Variants in MPZL1 observed in about 807,000 individuals in gnomAD.
MPZL1 encodes myelin protein zero-like protein 1.
In MPZL1, 16 loss-of-function variants were observed where a neutral mutation model predicts 29.3. The observed-to-expected ratio is 0.55, with a 90% CI of 0.37 to 0.83. MPZL1 has a LOEUF of 0.83. MPZL1 is among the 40% of genes least tolerant of loss of function. The probability of loss-of-function intolerance (pLI) is 0.00; values close to 1 mark genes in which losing one functional copy is unlikely to be tolerated. For missense variants in MPZL1, 279 were observed against 332.9 expected, an observed-to-expected ratio of 0.84 and a Z score of 1.26; for synonymous variants, 143 against 132.0, an observed-to-expected ratio of 1.08 and a Z score of -0.57.
intron 1 of MPZL1, among the ~76,000 whole-genome samples, chr1:167,751,890 GA>G: frequency 6.6e-6 from 1 of 152,224 alleles, no homozygotes; most frequent in African/African-American, 2.4e-5. Context: ...ATCCTTTGGG[GA>G]AAAAATTATT....
In MPZL1 at chr1:167,760,783, G is replaced by GTGTGTGTGTC. The variant is rs1553255562; in HGVS notation, c.92-4791_92-4790insCTGTGTGTGT. ...TGTGTGTGTGTGTGTGTGTGTGTGT[G>GTGTGTGTGTC]TGTGTGTGTGTACAGGTGTCATCAG... On this transcript the variant is annotated intron_variant, in intron 1 of 5. Transcript: ENST00000359523. Among the ~76,000 whole-genome samples, 242 of 147,314 alleles carry GTGTGTGTGTC rather than the reference G, an allele frequency of 1.6e-3. 4 individuals carry two copies. The highest frequency in any genetic ancestry group is 5.6e-3 in the African/African-American group (223 of 39,786).
chr1:167,726,025 A>G (rs185525978), intron 1 of MPZL1, among the ~76,000 whole-genome samples: 1 of 152,330 alleles, frequency 6.6e-6, no homozygotes, highest in East Asian at 1.9e-4. Context: ...ATGGCTTCCC[A>G]TTGCACTTGG....
At chr1:167,727,943 A>G (rs1437926009) in intron 1 of MPZL1, among the ~76,000 whole-genome samples, 3 of 109,956 alleles carry the variant, frequency 2.7e-5, no homozygotes, top group Non-Finnish European at 6.3e-5. Flanking sequence ...ACCTCGGCTC[A>G]CAGCAACCTC....
At position 167,787,857 on chromosome 1, in the gene MPZL1, G is replaced by A. The variant is rs1414789609; in HGVS notation, c.746G>A (p.Gly249Glu). 1 of 1,613,964 alleles carries A rather than the reference G, an allele frequency of 6.2e-7. No homozygotes were observed. Among genetic ancestry groups the A allele is most frequent in the South Asian group, 1.1e-5 (1 of 91,078 alleles). The change falls in exon 6 of 6, where the codon GGA (glycine) becomes GAA (glutamate). Residue 249 changes from glycine to glutamate, a missense_variant. Transcript: ENST00000359523. ...TATGCACAGTTAGACCACTCCGGCG[G>A]ACATCACAGTGACAAGATTAACAAG... ...VIYAQLDHSGGHHSDKINKSE... is the reference protein window; with the variant it reads ...VIYAQLDHSGEHHSDKINKSE...
At chr1:167,765,854 AT>A in intron 2 of MPZL1, 105 bp downstream of exon 2, 2 of 1,141,532 alleles carry the variant, frequency 1.8e-6, no homozygotes, top group East Asian at 5.2e-5. Context: ...AAATGAGTGT[AT>A]TTTTTATCTG....
At chr1:167,762,001 A>G (rs1162213365) in intron 1 of MPZL1, among the ~76,000 whole-genome samples, 2 of 152,112 alleles carry the variant, frequency 1.3e-5, no homozygotes, top group Non-Finnish European at 2.9e-5. Flanking sequence ...TTTGGAGGAT[A>G]TTGGAAAGCT....
chr1:167,789,437 G>A lies in MPZL1; in HGVS notation c.*1516G>A, dbSNP rs756943102. On this transcript the variant is annotated 3_prime_UTR_variant, in exon 6 of 6. Transcript: ENST00000359523. ...CCCTGTAGTTTGGAGTCCATTATGA[G>A]CTGCTGCTTTTTCTTCTCATCTTGT... 3 of 152,150 alleles carry A rather than the reference G, an allele frequency of 2.0e-5. No homozygotes were observed. 9.4% of individuals were successfully genotyped at this position (152,150 alleles called of 1,614,324 possible). A position where few individuals can be genotyped will look rare whatever the true frequency, so the allele number is the denominator to read the frequency against.
chr1:167,784,107 C>T (rs1338958814), intron 5 of MPZL1, among the ~76,000 whole-genome samples: 1 of 152,160 alleles, frequency 6.6e-6, no homozygotes, highest in Non-Finnish European at 1.5e-5. Flanking sequence ...ATCCTTTCTT[C>T]CTGGACCTTC....
chr1:167,723,875 G>GTT (rs1660090783), intron 1 of MPZL1, among the ~76,000 whole-genome samples: 1 of 152,162 alleles, frequency 6.6e-6, no homozygotes, highest in African/African-American at 2.4e-5. Context: ...GCACATAAGA[G>GTT]TTTATCTTTT....
intron 1 of MPZL1, among the ~76,000 whole-genome samples, chr1:167,741,177 T>A (rs1382869675): frequency 6.8e-6 from 1 of 146,476 alleles, no homozygotes; most frequent in Non-Finnish European, 1.5e-5. Context: ...CCACCACGCC[T>A]GGCTAATTTT....
chr1:167,756,333 G>A (rs762858172), intron 1 of MPZL1, among the ~76,000 whole-genome samples: 17 of 151,558 alleles, frequency 1.1e-4, no homozygotes, highest in Non-Finnish European at 2.2e-4. Context: ...TTGTCAAGAC[G>A]AGGGCTGGTC....
At chr1:167,782,845 G>GA (rs565542767) in intron 5 of MPZL1, among the ~76,000 whole-genome samples, 111 of 152,258 alleles carry the variant, frequency 7.3e-4, no homozygotes, top group African/African-American at 2.1e-3. Flanking sequence ...TCATAGCCAA[G>GA]AAATACAGGC....
intron 1 of MPZL1, among the ~76,000 whole-genome samples, chr1:167,740,382 A>G (rs919285294): frequency 1.8e-4 from 28 of 152,140 alleles, no homozygotes; most frequent in African/African-American, 6.3e-4. Context: ...AACTTCTCCT[A>G]TCAGGATCAC....
At chr1:167,784,442 T>A (rs1270814424) in intron 5 of MPZL1, among the ~76,000 whole-genome samples, 1 of 152,178 alleles carries the variant, frequency 6.6e-6, no homozygotes, top group African/African-American at 2.4e-5. Context: ...TTGTTGTTGT[T>A]TTCCTTCTTT....
In MPZL1 at chr1:167,788,058, A is replaced by G. The variant is rs1417604065; in HGVS notation, c.*137A>G. On this transcript the variant is annotated 3_prime_UTR_variant, in exon 6 of 6. Transcript: ENST00000359523. ...CACGTGTACTCACAGAGGGAGAGAA[A>G]GATGTGTACAAAGGATATGTATAAA... The G allele has an allele frequency of 1.2e-5, 8 of 656,906 alleles. No individual in the cohort carries two copies. The highest frequency in any genetic ancestry group is 2.2e-5 in the Non-Finnish European group (8 of 360,676). The allele number at this position is 656,906 out of a possible 1,614,324, so 40.7% of individuals were successfully genotyped here. A position where few individuals can be genotyped will look rare whatever the true frequency, so the allele number is the denominator to read the frequency against.
In MPZL1 at chr1:167,730,119, C is replaced by T. The variant is rs370770705; in HGVS notation, c.91+7877C>T. The stretch of plus-strand genomic sequence containing the variant: ...TTCTTCTTTGGGGTGATGTTTGTGC[C>T]AAGATCCCTCATGCCTTGATGCTGC... On this transcript the variant is annotated intron_variant, in intron 1 of 5. Transcript: ENST00000359523. Among the ~76,000 whole-genome samples the T allele has an allele frequency of 4.9e-4, 75 of 152,264 alleles. 1 individual carries two copies. The highest frequency in any genetic ancestry group is 1.7e-3 in the African/African-American group (70 of 41,542).
chr1:167,738,925 G>C (rs1660441802), intron 1 of MPZL1, among the ~76,000 whole-genome samples: 1 of 152,018 alleles, frequency 6.6e-6, no homozygotes. Context: ...ATGTGAGAAT[G>C]GACCAATACA....
chr1:167,767,038 C>T (rs1346186461), intron 2 of MPZL1, among the ~76,000 whole-genome samples: 1 of 152,182 alleles, frequency 6.6e-6, no homozygotes, highest in East Asian at 1.9e-4. Flanking sequence ...AACTGTTTTA[C>T]ATATAAAAGA....
chr1:167,783,510 T>C (rs1174264119), intron 5 of MPZL1, among the ~76,000 whole-genome samples: 1 of 152,218 alleles, frequency 6.6e-6, no homozygotes, highest in Non-Finnish European at 1.5e-5. Flanking sequence ...AATGGAATAT[T>C]TATGTATTTG....
Sources: allele counts gnomAD v4.1 joint callset (sites outside exome capture counted in the v4.1 genomes callset), GRCh38; gene constraint gnomAD v4.1.1; transcripts MANE v1.5; gene names NCBI Gene and HGNC (gene_info 2026-07-23, HGNC 2026-07-21).